Variants in SCUBE3 observed in about 807,000 individuals in gnomAD.
SCUBE3 encodes signal peptide, CUB domain and EGF like domain containing 3.
A neutral mutation model predicts 116.8 loss-of-function variants in SCUBE3; 33 were observed. The ratio of observed to expected loss-of-function variants is 0.28; its 90% CI spans 0.21 to 0.38. The LOEUF (loss-of-function observed/expected upper bound fraction) is 0.38, where lower values mean the gene tolerates loss of function less well. SCUBE3 is among the 10% of genes least tolerant of loss of function. The probability of loss-of-function intolerance (pLI) is 1.00; values close to 1 mark genes in which losing one functional copy is unlikely to be tolerated. For synonymous variants in SCUBE3, 418 were observed against 496.9 expected (o/e 0.84, Z 2.11); for missense variants, 1,007 against 1,324.8 (o/e 0.76, Z 3.72).
Position 35,244,897 on chromosome 6 carries a change from G to C in SCUBE3, c.2401+86G>C. The stretch of plus-strand genomic sequence containing the variant: ...AAAGGAGGGGTGTGAAACCAACAGG[G>C]AGCAGGGCTGGGGGGTGGAGGAGCA... On this transcript the variant is annotated intron_variant, in intron 18 of 21. Transcript: ENST00000274938. The surrounding 1 kb of genome is among the most constrained non-coding windows in gnomAD (Gnocchi z 4.3). 7.4e-7 allele frequency: 1 copy of C among 1,354,274 alleles called. No homozygotes were observed. Among genetic ancestry groups the C allele is most frequent in the East Asian group, 2.3e-5 (1 of 43,638 alleles). The allele number at this position is 1,354,274 out of a possible 1,614,324, so 83.9% of individuals were successfully genotyped here.
chr6:35,230,113 C>T (rs1390883914), intron 3 of SCUBE3, among the ~76,000 whole-genome samples: 6 of 152,178 alleles, frequency 3.9e-5, no homozygotes, highest in African/African-American at 1.2e-4. Flanking sequence ...TAATCCCAGC[C>T]CTGGTCACCT....
intron 3 of SCUBE3, among the ~76,000 whole-genome samples, chr6:35,229,068 T>G (rs1783431178): frequency 6.6e-6 from 1 of 152,152 alleles, no homozygotes; most frequent in African/African-American, 2.4e-5. Flanking sequence ...GCCTTGGGTC[T>G]TGGGCAAATC....
Position 35,228,514 on chromosome 6 carries a change from C to T in SCUBE3, c.209-100C>T, listed in dbSNP as rs1783413091. 1 of 1,244,962 alleles carries T rather than the reference C, an allele frequency of 8.0e-7. No homozygotes were observed. Among genetic ancestry groups the T allele is most frequent in the South Asian group, 1.5e-5 (1 of 68,600 alleles). 77.1% of individuals were successfully genotyped at this position (1,244,962 alleles called of 1,614,324 possible). A position where few individuals can be genotyped will look rare whatever the true frequency, so the allele number is the denominator to read the frequency against. ...GAAAAATGCTAAATGGCTTATAGGC[C>T]ATGAACATAACTATGTAAACACAAC... is the stretch of plus-strand genomic sequence containing the variant. On this transcript the variant is annotated intron_variant, in intron 2 of 21. Transcript: ENST00000274938. This position sits in a 1 kb window ranked among gnomAD's most constrained non-coding sequence, Gnocchi z 4.9.
chr6:35,242,178 G>T (rs1427523361), intron 12 of SCUBE3, 26 bp from the exon 13 acceptor site: 1 of 1,538,940 alleles, frequency 6.5e-7, no homozygotes, highest in East Asian at 2.2e-5. Flanking sequence ...ATCCCATACT[G>T]TGCTGAGTTT....
rs547781800 is a variant in SCUBE3 at position 35,214,318 on chromosome 6, C to CCCCCTCCCCTCCCCT, written c.-87_-86insTCCCCTCCCCTCCCC. 3.1e-6 allele frequency: 2 copies of CCCCCTCCCCTCCCCT among 638,010 alleles called. No individual in the cohort carries two copies. The highest frequency in any genetic ancestry group is 1.9e-5 in the African/African-American group (1 of 51,434). 39.5% of individuals were successfully genotyped at this position (638,010 alleles called of 1,614,324 possible). A position where few individuals can be genotyped will look rare whatever the true frequency, so the allele number is the denominator to read the frequency against. ...CCCCCGGCCTGGCCCCGGCGGGGCG[C>CCCCCTCCCCTCCCCT]CCCCTCCCCTCCCCCTCCTGCGAGC... is the stretch of plus-strand genomic sequence containing the variant. On this transcript the variant is annotated 5_prime_UTR_variant, in exon 1 of 22. Coordinates refer to ENST00000274938, the MANE Select transcript of SCUBE3 (RefSeq NM_152753.4). This position sits in a 1 kb window ranked among gnomAD's most constrained non-coding sequence, Gnocchi z 6.3.
At chr6:35,238,937 G>A (rs1783901791) in intron 7 of SCUBE3, among the ~76,000 whole-genome samples, 1 of 152,104 alleles carries the variant, frequency 6.6e-6, no homozygotes. Flanking sequence ...AGAGTTGAGA[G>A]GTTTCCTGCT....
chr6:35,229,494 C>A (rs78913416), intron 3 of SCUBE3, among the ~76,000 whole-genome samples: 1 of 152,130 alleles, frequency 6.6e-6, no homozygotes, highest in African/African-American at 2.4e-5. Context: ...GAGCCCTGTA[C>A]AATCCTTAGC....
In SCUBE3 at chr6:35,235,832, A is replaced by C. The variant is rs1783748325; in HGVS notation, c.713-2070A>C. 7.2e-6 allele frequency among the ~76,000 whole-genome samples: 1 copy of C among 138,604 alleles called. No homozygotes were observed. The highest frequency in any genetic ancestry group is 1.5e-5 in the Non-Finnish European group (1 of 65,122). The allele number at this position is 138,604 out of a possible 152,430, so 90.9% of individuals were successfully genotyped here. On this transcript the variant is annotated intron_variant, in intron 6 of 21. Coordinates refer to ENST00000274938, the MANE Select transcript of SCUBE3 (RefSeq NM_152753.4). The surrounding 1 kb of genome is among the most constrained non-coding windows in gnomAD (Gnocchi z 4.5). ...CACCCCCCTCTACCCAGCCAGCCTC[A>C]TCTTCCCTGTCATGCCCACTGTGCC... is the stretch of plus-strand genomic sequence containing the variant.
chr6:35,250,263 T>C lies in SCUBE3; in HGVS notation c.*1558T>C, dbSNP rs1421136934. On this transcript the variant is annotated 3_prime_UTR_variant, in exon 22 of 22. Coordinates refer to ENST00000274938, the MANE Select transcript of SCUBE3 (RefSeq NM_152753.4). ...GGAGTCAGTGTGGACCTCATGATTA[T>C]AGAGGCCAATGGAACTGGTCAGTGA... is the stretch of plus-strand genomic sequence containing the variant. The C allele has an allele frequency of 1.3e-5, 2 of 152,292 alleles. No homozygotes were observed. Among genetic ancestry groups the C allele is most frequent in the Non-Finnish European group, 2.9e-5 (2 of 68,056 alleles). The allele number at this position is 152,292 out of a possible 1,614,324, so 9.4% of individuals were successfully genotyped here.
At position 35,250,483 on chromosome 6, in the gene SCUBE3, C is replaced by T. The variant is rs1784512769; in HGVS notation, c.*1778C>T. 1 of 152,150 alleles carries T rather than the reference C, an allele frequency of 6.6e-6. No homozygotes were observed. Among genetic ancestry groups the T allele is most frequent in the South Asian group, 2.1e-4 (1 of 4,826 alleles). 9.4% of individuals were successfully genotyped at this position (152,150 alleles called of 1,614,324 possible). A position where few individuals can be genotyped will look rare whatever the true frequency, so the allele number is the denominator to read the frequency against. ...GATATTTGCCTGGCTCTGGTCACTT[C>T]CCTTTGAAGTTGACTTCAAGCTTAG... On this transcript the variant is annotated 3_prime_UTR_variant, in exon 22 of 22. Transcript: ENST00000274938.
Position 35,231,357 on chromosome 6 carries a change from G to A in SCUBE3, c.335-368G>A, listed in dbSNP as rs541866230. Among the ~76,000 whole-genome samples the A allele has an allele frequency of 3.9e-5, 6 of 152,062 alleles. No homozygotes were observed. The highest frequency in any genetic ancestry group is 7.2e-5 in the African/African-American group (3 of 41,406). On this transcript the variant is annotated intron_variant, in intron 3 of 21. Coordinates refer to ENST00000274938, the MANE Select transcript of SCUBE3 (RefSeq NM_152753.4). This position sits in a 1 kb window ranked among gnomAD's most constrained non-coding sequence, Gnocchi z 4.2. ...AGCTGCAACCCCCAGTTACCTATCC[G>A]ACCAATGTGACCAATCTCCATCCTT...
rs941656258 is a variant in SCUBE3 at position 35,235,733 on chromosome 6, T to C, written c.713-2169T>C. Among the ~76,000 whole-genome samples, 5 of 152,280 alleles carry C rather than the reference T, an allele frequency of 3.3e-5. No individual in the cohort carries two copies. The highest frequency in any genetic ancestry group is 2.0e-4 in the Admixed American group (3 of 15,296). On this transcript the variant is annotated intron_variant, in intron 6 of 21. Transcript: ENST00000274938. This position sits in a 1 kb window ranked among gnomAD's most constrained non-coding sequence, Gnocchi z 4.5. ...GTCTTTGTTCCTGTCACTCTCCTTCTGCCCTTCCTCTTCTGCTGTCTCCTC... is the reference window on the plus strand; with the variant it reads ...GTCTTTGTTCCTGTCACTCTCCTTCCGCCCTTCCTCTTCTGCTGTCTCCTC...
In SCUBE3 at chr6:35,245,143, C is replaced by T; in HGVS notation, c.2402-85C>T. The T allele has an allele frequency of 8.0e-7, 1 of 1,248,098 alleles. No homozygotes were observed. Among genetic ancestry groups the T allele is most frequent in the Non-Finnish European group, 1.2e-6 (1 of 854,898 alleles). 77.3% of individuals were successfully genotyped at this position (1,248,098 alleles called of 1,614,324 possible). A position where few individuals can be genotyped will look rare whatever the true frequency, so the allele number is the denominator to read the frequency against. ...ACTTCCCATAAATGTCTGACCTCTA[C>T]TTCAGAACTCTTCAATTCCCCCAGC... On this transcript the variant is annotated intron_variant, in intron 18 of 21. Coordinates refer to ENST00000274938, the MANE Select transcript of SCUBE3 (RefSeq NM_152753.4). This position sits in a 1 kb window ranked among gnomAD's most constrained non-coding sequence, Gnocchi z 4.2.
chr6:35,215,593 G>A (rs1782853512), intron 1 of SCUBE3, among the ~76,000 whole-genome samples: 1 of 152,252 alleles, frequency 6.6e-6, no homozygotes, highest in Admixed American at 6.5e-5. Context: ...GAACTTGGGA[G>A]TTGGGGAAGC....
chr6:35,218,184 G>A (rs944997769), intron 1 of SCUBE3: 66 of 983,008 alleles, frequency 6.7e-5, no homozygotes, highest in Non-Finnish European at 7.6e-5. Flanking sequence ...GTTGTAAGAG[G>A]AGCCGGCCCT....
In SCUBE3 at chr6:35,244,115, G is replaced by A; in HGVS notation, c.2224G>A (p.Asp742Asn). 1 of 1,613,738 alleles carries A rather than the reference G, an allele frequency of 6.2e-7. No individual in the cohort carries two copies. ...GCATGAAGGGGCCATTTCCTTCCAA[G>A]ACTGTGACACCAAAGGTGAGTAAGC... The part of the protein sequence containing the change: ...TKHEGAISFQ[D>N]CDTKVQCSPG... The change falls in exon 17 of 22, where the codon GAC becomes AAC. Residue 742 changes from aspartate to asparagine, a missense_variant. Transcript: ENST00000274938. This position sits in a 1 kb window ranked among gnomAD's most constrained non-coding sequence, Gnocchi z 4.3.
Position 35,244,535 on chromosome 6 carries a change from A to C in SCUBE3, c.2240-115A>C. ...GGAAAGATTGAGACCCTAGAAAAGA[A>C]CTTTGATGTATCTGATCTCCTGATT... On this transcript the variant is annotated intron_variant, in intron 17 of 21. Coordinates refer to ENST00000274938, the MANE Select transcript of SCUBE3 (RefSeq NM_152753.4). The surrounding 1 kb of genome is among the most constrained non-coding windows in gnomAD (Gnocchi z 4.3). The C allele has an allele frequency of 1.2e-6, 1 of 843,128 alleles. No individual in the cohort carries two copies. The allele number at this position is 843,128 out of a possible 1,614,324, so 52.2% of individuals were successfully genotyped here. A position where few individuals can be genotyped will look rare whatever the true frequency, so the allele number is the denominator to read the frequency against.
At position 35,244,637 on chromosome 6, in the gene SCUBE3, C is replaced by T. The variant is rs201361043; in HGVS notation, c.2240-13C>T. The T allele has an allele frequency of 4.3e-6, 7 of 1,612,338 alleles. No homozygotes were observed. The highest frequency in any genetic ancestry group is 4.0e-5 in the African/African-American group (3 of 74,882). On this transcript the variant is annotated splice_polypyrimidine_tract_variant and intron_variant, in intron 17 of 21. Transcript: ENST00000274938. This position sits in a 1 kb window ranked among gnomAD's most constrained non-coding sequence, Gnocchi z 4.3. ...CTACCATCTTGATTCCTGCCCTTCT[C>T]CCTTGCCTACAGTCCAGTGCTCCCC...
chr6:35,229,594 CTTG>C (rs1423660966), intron 3 of SCUBE3, among the ~76,000 whole-genome samples: 1 of 152,156 alleles, frequency 6.6e-6, no homozygotes, highest in Non-Finnish European at 1.5e-5. Flanking sequence ...CCCTTACAGG[CTTG>C]TTTTCTCCCA....
Sources: allele counts gnomAD v4.1 joint callset (sites outside exome capture counted in the v4.1 genomes callset), GRCh38; gene constraint gnomAD v4.1.1; non-coding constraint Gnocchi (gnomAD v3.1); transcripts MANE v1.5; gene names NCBI Gene and HGNC (gene_info 2026-07-23, HGNC 2026-07-21).